The following FOXP1 variants were observed in gnomAD, a reference collection of about 807,000 sequenced individuals.
FOXP1 encodes the protein forkhead box P1, also known as forkhead box protein P1.
FOXP1 carries 15 observed loss-of-function variants against 98.2 expected under a neutral mutation model. The observed-to-expected ratio is 0.15, with a 90% CI of 0.10 to 0.24. The LOEUF (loss-of-function observed/expected upper bound fraction) is 0.24. Among genes scored for constraint, FOXP1 ranks in the 10% least tolerant of loss-of-function variants. The pLI is 1.00. For missense variants in FOXP1, 633 were observed against 848.5 expected, an observed-to-expected ratio of 0.75 and a Z score of 3.15; for synonymous variants, 371 against 314.5, an observed-to-expected ratio of 1.18 and a Z score of -1.90.
intron 12 of FOXP1, among the ~76,000 whole-genome samples, chr3:71,003,622 A>T (rs1559691957): frequency 1.3e-5 from 2 of 152,188 alleles, no homozygotes; most frequent in Non-Finnish European, 2.9e-5. Context: ...TAACTAATCT[A>T]AATAAGTAGC....
intron 2 of FOXP1, among the ~76,000 whole-genome samples, chr3:71,567,643 T>A (rs2047007169): frequency 6.6e-6 from 1 of 152,206 alleles, no homozygotes; most frequent in Non-Finnish European, 1.5e-5. Context: ...AAAATGACTT[T>A]TGCATTCTGT....
chr3:71,106,185 G>A (rs879262924), intron 7 of FOXP1, among the ~76,000 whole-genome samples: 1 of 152,200 alleles, frequency 6.6e-6, no homozygotes, highest in Non-Finnish European at 1.5e-5. Flanking sequence ...GCTGGCCCAC[G>A]TTCAGCACTG....
At chr3:71,149,012 T>C (rs775771462) in intron 6 of FOXP1, among the ~76,000 whole-genome samples, 6 of 152,120 alleles carry the variant, frequency 3.9e-5, no homozygotes, top group African/African-American at 9.7e-5. Context: ...TAAAGACAAT[T>C]TGGATAGGCC....
chr3:70,965,511 T>G (rs2034565276), intron 20 of FOXP1, among the ~76,000 whole-genome samples: 1 of 152,142 alleles, frequency 6.6e-6, no homozygotes. Flanking sequence ...TAAACAAGCA[T>G]CTTTTTCTCT....
chr3:71,563,273 T>C (rs1578192944), intron 2 of FOXP1, among the ~76,000 whole-genome samples: 1 of 152,154 alleles, frequency 6.6e-6, no homozygotes, highest in South Asian at 2.1e-4. Flanking sequence ...AAGCAAGACA[T>C]AGATGGGCAT....
At chr3:71,018,773 G>A (rs2044921628) in intron 11 of FOXP1, among the ~76,000 whole-genome samples, 1 of 152,214 alleles carries the variant, frequency 6.6e-6, no homozygotes, top group Non-Finnish European at 1.5e-5. Flanking sequence ...GGAGTCAGGA[G>A]TAGCAGGGAA....
At chr3:71,537,439 G>A (rs1313781069) in intron 2 of FOXP1, among the ~76,000 whole-genome samples, 1 of 152,216 alleles carries the variant, frequency 6.6e-6, no homozygotes, top group Admixed American at 6.5e-5. Context: ...GTGCATTCCA[G>A]AATGAATGGA....
At chr3:71,374,550 G>T (rs1012456585) in intron 3 of FOXP1, among the ~76,000 whole-genome samples, 1 of 151,310 alleles carries the variant, frequency 6.6e-6, no homozygotes, top group Non-Finnish European at 1.5e-5. Flanking sequence ...CCAAGAGTGC[G>T]CCACTAAACT....
intron 3 of FOXP1, among the ~76,000 whole-genome samples, chr3:71,477,758 T>G (rs2089969386): frequency 6.6e-6 from 1 of 152,136 alleles, no homozygotes; most frequent in South Asian, 2.1e-4. Flanking sequence ...ATTATTCAAG[T>G]GACAATGGAA....
At chr3:71,460,100 A>AT (rs1472204665) in intron 3 of FOXP1, among the ~76,000 whole-genome samples, 1 of 151,566 alleles carries the variant, frequency 6.6e-6, no homozygotes, top group Non-Finnish European at 1.5e-5. Context: ...TGCACGGCTA[A>AT]TTTTTTCTAT....
At chr3:71,505,804 C>T (rs1043392365) in intron 2 of FOXP1, among the ~76,000 whole-genome samples, 2 of 152,138 alleles carry the variant, frequency 1.3e-5, no homozygotes, top group African/African-American at 2.4e-5. Context: ...CTGTGGGCAT[C>T]GTCCCCCTTC....
At chr3:71,063,126 C>T (rs1213650943) in intron 7 of FOXP1, among the ~76,000 whole-genome samples, 1 of 152,262 alleles carries the variant, frequency 6.6e-6, no homozygotes, top group Non-Finnish European at 1.5e-5. Flanking sequence ...AGCTCTATCA[C>T]ATCCTACAGT....
intron 6 of FOXP1, among the ~76,000 whole-genome samples, chr3:71,169,003 A>G (rs1372848349): frequency 6.6e-6 from 1 of 152,190 alleles, no homozygotes; most frequent in African/African-American, 2.4e-5. Context: ...CGTAAAACTC[A>G]CTTGAAAAAG....
chr3:70,981,347 G>C (rs148789794), intron 14 of FOXP1, among the ~76,000 whole-genome samples: 3 of 152,306 alleles, frequency 2.0e-5, no homozygotes, highest in East Asian at 1.9e-4. Flanking sequence ...AGAGCAGAGA[G>C]GGGGCTTACC....
At chr3:71,065,825 C>T (rs2052415276) in intron 7 of FOXP1, 1 of 152,098 alleles carries the variant, frequency 6.6e-6, no homozygotes, top group African/African-American at 2.4e-5. Context: ...CTATTGAAAG[C>T]TGAGTATAGT....
At chr3:71,550,071 T>A (rs889855395) in intron 2 of FOXP1, among the ~76,000 whole-genome samples, 1 of 152,072 alleles carries the variant, frequency 6.6e-6, no homozygotes. Flanking sequence ...CATAAATAAA[T>A]CAAAAGCAAG....
At chr3:71,178,385 C>T (rs1344246189) in intron 6 of FOXP1, among the ~76,000 whole-genome samples, 1 of 151,878 alleles carries the variant, frequency 6.6e-6, no homozygotes, top group African/African-American at 2.4e-5. Context: ...CCACCCGCTT[C>T]GGTCTCTCAA....
Position 71,269,887 on chromosome 3 carries a change from A to G in FOXP1, c.-12+29933T>C, listed in dbSNP as rs570155026. 3.3e-5 allele frequency among the ~76,000 whole-genome samples: 5 copies of G among 152,274 alleles called. No homozygotes were observed. In the East Asian group the frequency reaches 9.6e-4, roughly 29 times the overall value. On this transcript the variant is annotated intron_variant, in intron 5 of 20. Coordinates refer to ENST00000649528, the MANE Select transcript of FOXP1 (RefSeq NM_001349338.3). ...TCCAGTCCATAAATCATATGCTAAG[A>G]GATTAAGGTAAAGATAATGAAAAAG...
At position 70,966,292 on chromosome 3, in the gene FOXP1, G is replaced by C. The variant is rs1424942517; in HGVS notation, c.1723-236C>G. On this transcript the variant is annotated intron_variant, in intron 19 of 20. Coordinates refer to ENST00000649528, the MANE Select transcript of FOXP1 (RefSeq NM_001349338.3). ...GGGGGGACCAAGTGCCTGTGGGTAG[G>C]AAGGACTCAATTTGGTCCTGCTTGG... 8 of 546,404 alleles carry C rather than the reference G, an allele frequency of 1.5e-5. No homozygotes were observed. In the Admixed American group the frequency reaches 2.3e-4, roughly 16 times the overall value. 33.8% of individuals were successfully genotyped at this position (546,404 alleles called of 1,614,324 possible). A position where few individuals can be genotyped will look rare whatever the true frequency, so the allele number is the denominator to read the frequency against.
Sources: allele counts gnomAD v4.1 joint callset (sites outside exome capture counted in the v4.1 genomes callset), GRCh38; gene constraint gnomAD v4.1.1; transcripts MANE v1.5; gene names NCBI Gene and HGNC (gene_info 2026-07-23, HGNC 2026-07-21).